Variants in TMTC2 observed in about 807,000 individuals in gnomAD.
TMTC2 encodes the protein transmembrane O-mannosyltransferase targeting cadherins 2, also known as protein O-mannosyl-transferase TMTC2.
In TMTC2, 43 loss-of-function variants were observed where a neutral mutation model predicts 82.4. The observed-to-expected ratio is 0.52, with a 90% confidence interval of 0.41 to 0.67. The LOEUF (loss-of-function observed/expected upper bound fraction) is 0.67, where lower values mean the gene tolerates loss of function less well. TMTC2 is among the 30% of genes least tolerant of loss of function. TMTC2 has a pLI of 0.00. For missense variants in TMTC2, 919 were observed against 1,012.4 expected (o/e 0.91, Z 1.25); for synonymous variants, 408 against 381.9 (o/e 1.07, Z -0.80).
At chr12:83,005,886 A>G (rs541698814) in intron 8 of TMTC2, among the ~76,000 whole-genome samples, 1 of 152,324 alleles carries the variant, frequency 6.6e-6, no homozygotes, top group East Asian at 1.9e-4. Context: ...GTTCTCTCCC[A>G]GTCCATTCAG....
At chr12:83,129,077 G>A (rs1199316121) in intron 11 of TMTC2, among the ~76,000 whole-genome samples, 1 of 152,034 alleles carries the variant, frequency 6.6e-6, no homozygotes, top group African/African-American at 2.4e-5. Flanking sequence ...GATGTTTTAA[G>A]CATTACATAA....
At chr12:82,942,744 A>G (rs1004116274) in intron 4 of TMTC2, among the ~76,000 whole-genome samples, 21 of 152,186 alleles carry the variant, frequency 1.4e-4, no homozygotes, top group Middle Eastern at 3.2e-3. Flanking sequence ...AAGAATTACT[A>G]CATGATGACC....
chr12:82,964,152 G>A (rs535936925), intron 4 of TMTC2, among the ~76,000 whole-genome samples: 13 of 151,832 alleles, frequency 8.6e-5, no homozygotes, highest in African/African-American at 2.7e-4. Context: ...ATAGATGTGC[G>A]GAATGTCTGT....
intron 8 of TMTC2, among the ~76,000 whole-genome samples, chr12:82,996,363 G>C (rs1466134626): frequency 6.6e-6 from 1 of 152,176 alleles, no homozygotes; most frequent in Non-Finnish European, 1.5e-5. Flanking sequence ...CATTTAACTG[G>C]TAGAATGTTG....
chr12:82,845,987 C>T (rs1870646045), intron 1 of TMTC2, among the ~76,000 whole-genome samples: 1 of 149,670 alleles, frequency 6.7e-6, no homozygotes, highest in Non-Finnish European at 1.5e-5. Flanking sequence ...GTGAAAATGA[C>T]AGCATTGCTT....
intron 4 of TMTC2, among the ~76,000 whole-genome samples, chr12:82,962,268 G>A (rs1444379352): frequency 6.6e-6 from 1 of 151,996 alleles, no homozygotes; most frequent in African/African-American, 2.4e-5. Flanking sequence ...TCAGAGATAT[G>A]TGCTCATTCC....
At chr12:82,722,160 G>T (rs931832419) in intron 1 of TMTC2, among the ~76,000 whole-genome samples, 3 of 152,040 alleles carry the variant, frequency 2.0e-5, no homozygotes, top group Non-Finnish European at 4.4e-5. Flanking sequence ...ACTTAAAAAA[G>T]AAAAATCAAA....
intron 1 of TMTC2, among the ~76,000 whole-genome samples, chr12:82,765,819 A>G (rs1427109359): frequency 1.3e-5 from 2 of 152,228 alleles, no homozygotes; most frequent in Non-Finnish European, 2.9e-5. Context: ...AAAGAAAAGA[A>G]GAAAAGGAAT....
chr12:82,803,240 C>T (rs192053718), intron 1 of TMTC2, among the ~76,000 whole-genome samples: 1 of 152,202 alleles, frequency 6.6e-6, no homozygotes, highest in African/African-American at 2.4e-5. Context: ...AAATATTGGA[C>T]TCATTCTCAT....
chr12:82,851,955 G>C (rs2137107224), intron 1 of TMTC2, among the ~76,000 whole-genome samples: 1 of 151,774 alleles, frequency 6.6e-6, no homozygotes, highest in Non-Finnish European at 1.5e-5. Flanking sequence ...TTGGGTGGCA[G>C]TGTCACATCA....
chr12:82,695,043 T>A (rs1228517819), intron 1 of TMTC2, among the ~76,000 whole-genome samples: 1 of 152,222 alleles, frequency 6.6e-6, no homozygotes. Context: ...TCAAAGGATG[T>A]GTTATTTGCT....
chr12:82,979,108 A>C (rs1878809361), intron 7 of TMTC2, among the ~76,000 whole-genome samples: 1 of 151,420 alleles, frequency 6.6e-6, no homozygotes, highest in Non-Finnish European at 1.5e-5. Flanking sequence ...TATGCAACAG[A>C]TTGTTAGGTC....
chr12:82,889,501 T>G (rs946892012), intron 2 of TMTC2, among the ~76,000 whole-genome samples: 4 of 152,146 alleles, frequency 2.6e-5, no homozygotes, highest in African/African-American at 9.7e-5. Flanking sequence ...CTGTTATTCA[T>G]GTACTCATCT....
At chr12:82,933,574 G>T (rs1360522015) in intron 4 of TMTC2, among the ~76,000 whole-genome samples, 4 of 152,140 alleles carry the variant, frequency 2.6e-5, no homozygotes, top group Admixed American at 2.0e-4. Context: ...ACCCCTTTGA[G>T]ATAATAGCAT....
chr12:82,775,836 C>T (rs1229894678), intron 1 of TMTC2, among the ~76,000 whole-genome samples: 1 of 151,884 alleles, frequency 6.6e-6, no homozygotes, highest in Non-Finnish European at 1.5e-5. Context: ...CAAAATTCTG[C>T]TCAGTTTCCT....
intron 11 of TMTC2, among the ~76,000 whole-genome samples, chr12:83,098,663 C>G (rs2137530151): frequency 6.6e-6 from 1 of 152,266 alleles, no homozygotes; most frequent in South Asian, 2.1e-4. Flanking sequence ...TTATCGGAAA[C>G]CAGATATGTA....
chr12:82,752,949 C>T (rs1276445345), intron 1 of TMTC2, among the ~76,000 whole-genome samples: 1 of 152,072 alleles, frequency 6.6e-6, no homozygotes, highest in Non-Finnish European at 1.5e-5. Flanking sequence ...GACCCCTAGG[C>T]TAAAATCACC....
intron 7 of TMTC2, among the ~76,000 whole-genome samples, chr12:82,978,633 C>A (rs143621205): frequency 6.6e-6 from 1 of 151,782 alleles, no homozygotes; most frequent in Non-Finnish European, 1.5e-5. Context: ...GAAAATGATC[C>A]ATGTGCTGCG....
At chr12:82,984,200 A>G (rs1457253075) in intron 7 of TMTC2, among the ~76,000 whole-genome samples, 5 of 152,098 alleles carry the variant, frequency 3.3e-5, no homozygotes, top group Admixed American at 2.6e-4. Context: ...AAGTGCAGAT[A>G]TGTTTTAAAC....
Sources: gnomAD v4.1 joint callset for allele counts (sites outside exome capture counted in the v4.1 genomes callset) on GRCh38, gnomAD v4.1.1 for gene constraint, MANE v1.5 for transcripts, NCBI Gene and HGNC (gene_info 2026-07-23, HGNC 2026-07-21) for gene names.